The following NOL10 variants were observed in gnomAD, a reference collection of about 807,000 sequenced individuals.
NOL10 encodes nucleolar protein 10, also known as H_NH0074G24.1.
NOL10 carries 58 observed loss-of-function variants against 103.5 expected under a neutral mutation model. The ratio of observed to expected loss-of-function variants is 0.56; its 90% confidence interval spans 0.45 to 0.70. The LOEUF (loss-of-function observed/expected upper bound fraction) is 0.70, where lower values mean the gene tolerates loss of function less well. Ranked by LOEUF, NOL10 falls within the 30% of genes least tolerant of loss-of-function variation. NOL10 has a pLI of 0.00. For synonymous variants in NOL10, 287 were observed against 282.5 expected (o/e 1.02, Z -0.16); for missense variants, 763 against 807.3 (o/e 0.95, Z 0.67).
chr2:10,637,579 G>A lies in NOL10; in HGVS notation c.1026+6741C>T, dbSNP rs1018106553. 3.9e-5 allele frequency among the ~76,000 whole-genome samples: 6 copies of A among 152,334 alleles called. No individual in the cohort carries two copies. The Middle Eastern group carries it at 0.01, about 259-fold the overall frequency. ...CTGCGGGGAGTGTGCTACCTACTCA[G>A]CTGAGAGGCTTAGAAACATTCACTA... On this transcript the variant is annotated intron_variant, in intron 13 of 20. Coordinates refer to ENST00000381685, the MANE Select transcript of NOL10 (RefSeq NM_024894.4).
intron 20 of NOL10, among the ~76,000 whole-genome samples, chr2:10,573,902 C>T (rs891218906): frequency 9.9e-5 from 15 of 152,152 alleles, no homozygotes; most frequent in Admixed American, 4.6e-4. Context: ...CTGCCTTCCT[C>T]GTGCTCTGCT....
chr2:10,591,942 G>A (rs1675412965), intron 17 of NOL10, among the ~76,000 whole-genome samples: 1 of 152,184 alleles, frequency 6.6e-6, no homozygotes, highest in African/African-American at 2.4e-5. Context: ...AGTCAGGGCT[G>A]CAGTGAGTTG....
intron 4 of NOL10, among the ~76,000 whole-genome samples, chr2:10,673,961 G>A (rs373397375): frequency 9.7e-4 from 147 of 151,186 alleles, no homozygotes; most frequent in African/African-American, 3.4e-3. Flanking sequence ...GAAAAAGAGC[G>A]AAAAATAGCC....
chr2:10,657,894 G>A lies in NOL10; in HGVS notation c.757-3C>T. Reference sequence around the variant, plus strand: ...GATCGAAGGTCATATAATAAAACCTGAAAAAAAATTATTTCTGTTTAAACA... The same window carrying A: ...GATCGAAGGTCATATAATAAAACCTAAAAAAAAATTATTTCTGTTTAAACA... On this transcript the variant is annotated splice_region_variant and splice_polypyrimidine_tract_variant and intron_variant, in intron 10 of 20. Transcript: ENST00000381685. The A allele has an allele frequency of 2.0e-6, 3 of 1,501,004 alleles. No homozygotes were observed. Among genetic ancestry groups the A allele is most frequent in the Admixed American group, 2.4e-5 (1 of 40,936 alleles). 93.0% of individuals were successfully genotyped at this position (1,501,004 alleles called of 1,614,324 possible). A position where few individuals can be genotyped will look rare whatever the true frequency, so the allele number is the denominator to read the frequency against.
intron 20 of NOL10, among the ~76,000 whole-genome samples, chr2:10,576,295 T>A (rs1317096503): frequency 6.6e-6 from 1 of 152,168 alleles, no homozygotes; most frequent in East Asian, 1.9e-4. Context: ...GCAGCCACTG[T>A]CAGAAAACAG....
At chr2:10,666,829 G>T (rs911370067) in intron 8 of NOL10, among the ~76,000 whole-genome samples, 2 of 152,106 alleles carry the variant, frequency 1.3e-5, no homozygotes, top group Non-Finnish European at 2.9e-5. Flanking sequence ...AATTTGAAAG[G>T]ATACTACTCC....
At chr2:10,648,838 C>T (rs531412851) in intron 12 of NOL10, among the ~76,000 whole-genome samples, 5 of 151,944 alleles carry the variant, frequency 3.3e-5, no homozygotes, top group African/African-American at 4.8e-5. Flanking sequence ...GAAAAGTCAA[C>T]GTCATGGAGA....
At chr2:10,624,626 C>A (rs555639029) in intron 13 of NOL10, among the ~76,000 whole-genome samples, 2 of 151,416 alleles carry the variant, frequency 1.3e-5, no homozygotes, top group Admixed American at 1.3e-4. Context: ...TAGAAATGAG[C>A]CATCATCGAA....
At chr2:10,652,482 C>T (rs1310099192) in intron 12 of NOL10, among the ~76,000 whole-genome samples, 1 of 152,132 alleles carries the variant, frequency 6.6e-6, no homozygotes, top group Non-Finnish European at 1.5e-5. Context: ...ATTACAGCAT[C>T]CATCATCCAG....
At chr2:10,669,717 C>A (rs1198411254) in intron 6 of NOL10, among the ~76,000 whole-genome samples, 2 of 151,066 alleles carry the variant, frequency 1.3e-5, no homozygotes, top group South Asian at 2.1e-4. Flanking sequence ...TATGGTGAAA[C>A]CCTGTCTCTA....
At chr2:10,578,896 A>G (rs1460065437) in intron 19 of NOL10, among the ~76,000 whole-genome samples, 1 of 152,218 alleles carries the variant, frequency 6.6e-6, no homozygotes, top group African/African-American at 2.4e-5. Flanking sequence ...CAAAAATAGT[A>G]TACTGTCTCC....
chr2:10,681,953 A>C lies in NOL10; in HGVS notation c.211+18T>G. 1 of 1,215,166 alleles carries C rather than the reference A, an allele frequency of 8.2e-7. No homozygotes were observed. Among genetic ancestry groups the C allele is most frequent in the Non-Finnish European group, 1.1e-6 (1 of 900,964 alleles). 75.3% of individuals were successfully genotyped at this position (1,215,166 alleles called of 1,614,324 possible). On this transcript the variant is annotated intron_variant, in intron 3 of 20. Coordinates refer to ENST00000381685, the MANE Select transcript of NOL10 (RefSeq NM_024894.4). ...CTGGTACAAAATGCATGAAAATCAT[A>C]ACCAAAAAGATGCTTACCAGTTGCT...
chr2:10,678,606 CCT>C (rs1187678758), intron 3 of NOL10, among the ~76,000 whole-genome samples: 1 of 152,116 alleles, frequency 6.6e-6, no homozygotes, highest in Non-Finnish European at 1.5e-5. Flanking sequence ...TTGCACATCC[CCT>C]GAGTTCATTC....
chr2:10,638,330 G>GTAACGTAACGTA (rs1558311284), intron 13 of NOL10, among the ~76,000 whole-genome samples: 24 of 92,738 alleles, frequency 2.6e-4, no homozygotes, highest in African/African-American at 4.4e-4. Context: ...GACGTGACGT[G>GTAACGTAACGTA]ACGTAACGTA....
At chr2:10,576,754 C>T (rs1398556481) in intron 20 of NOL10, among the ~76,000 whole-genome samples, 1 of 152,136 alleles carries the variant, frequency 6.6e-6, no homozygotes, top group Non-Finnish European at 1.5e-5. Flanking sequence ...GGGCTTCTTT[C>T]TGGGGTGATG....
At chr2:10,686,303 TG>T (rs1682196685) in intron 1 of NOL10, among the ~76,000 whole-genome samples, 1 of 152,062 alleles carries the variant, frequency 6.6e-6, no homozygotes, top group South Asian at 2.1e-4. Flanking sequence ...GGAGAACATC[TG>T]GGAAAAAAGC....
intron 5 of NOL10, 48 bp downstream of exon 5, chr2:10,673,472 A>T: frequency 8.6e-7 from 1 of 1,156,262 alleles, no homozygotes; most frequent in Non-Finnish European, 1.2e-6. Context: ...AATTCCACTC[A>T]CTCATTTCTT....
At chr2:10,611,421 T>C (rs1676560532) in intron 13 of NOL10, among the ~76,000 whole-genome samples, 1 of 152,194 alleles carries the variant, frequency 6.6e-6, no homozygotes, top group South Asian at 2.1e-4. Context: ...AAGATGTTAA[T>C]TATAAAACTC....
At position 10,646,455 on chromosome 2, in the gene NOL10, C is replaced by G. The variant is rs79935898; in HGVS notation, c.974-2083G>C. 4.5e-4 allele frequency among the ~76,000 whole-genome samples: 68 copies of G among 152,260 alleles called. No homozygotes were observed. In the East Asian group the frequency reaches 0.012, roughly 27 times the overall value. ...CTGTTTTCTAAAAATGGAGGAGGATCTCACACAACCACATACGGCTAATGA... is the reference window on the plus strand; with the variant it reads ...CTGTTTTCTAAAAATGGAGGAGGATGTCACACAACCACATACGGCTAATGA... On this transcript the variant is annotated intron_variant, in intron 12 of 20. Coordinates refer to ENST00000381685, the MANE Select transcript of NOL10 (RefSeq NM_024894.4).
Sources: gnomAD v4.1 joint callset for allele counts (sites outside exome capture counted in the v4.1 genomes callset) on GRCh38, gnomAD v4.1.1 for gene constraint, MANE v1.5 for transcripts, NCBI Gene and HGNC (gene_info 2026-07-23, HGNC 2026-07-21) for gene names.